The following TACC1 variants were observed in gnomAD, a reference collection of about 807,000 sequenced individuals.
The protein encoded by TACC1 is transforming acidic coiled-coil-containing protein 1.
Under a neutral mutation model 84.4 loss-of-function variants are expected in TACC1, and 48 were observed. The ratio of observed to expected loss-of-function variants is 0.57; its 90% CI spans 0.45 to 0.72. The LOEUF (loss-of-function observed/expected upper bound fraction) is 0.72, where lower values mean the gene tolerates loss of function less well. Among genes scored for constraint, TACC1 ranks in the 30% least tolerant of loss-of-function variants. The pLI is 0.00. For missense variants in TACC1, 920 were observed against 973.0 expected (o/e 0.95, Z 0.72); for synonymous variants, 372 against 376.3 (o/e 0.99, Z 0.13).
At chr8:38,762,463 G>A (rs1412007416) in intron 3 of TACC1, among the ~76,000 whole-genome samples, 14 of 152,162 alleles carry the variant, frequency 9.2e-5, no homozygotes, top group Non-Finnish European at 1.5e-5. Context: ...ATTTCTTTAT[G>A]GCTGAACAGT....
At chr8:38,769,143 A>T (rs1812903943) in intron 3 of TACC1, among the ~76,000 whole-genome samples, 1 of 107,204 alleles carries the variant, frequency 9.3e-6, no homozygotes, top group East Asian at 3.3e-4. Context: ...TATATGTGTG[A>T]CTAGGTGTGT....
In TACC1 at chr8:38,812,742, T is replaced by G. The variant is rs1327853521; in HGVS notation, c.278-6780T>G. Among the ~76,000 whole-genome samples the G allele has an allele frequency of 2.0e-5, 3 of 152,230 alleles. No individual in the cohort carries two copies. In the East Asian group the frequency reaches 5.8e-4, roughly 29 times the overall value. ...TGCAAGGCTCTGTGAGCATGGTGCC[T>G]TTCTATTTCCCATCCTCATTTTTCC... is the stretch of plus-strand genomic sequence containing the variant. On this transcript the variant is annotated intron_variant, in intron 2 of 12. Transcript: ENST00000317827.
At chr8:38,788,869 A>G in intron 2 of TACC1, 50 bp downstream of exon 2, 2 of 1,426,714 alleles carry the variant, frequency 1.4e-6, no homozygotes, top group Non-Finnish European at 1.9e-6. Flanking sequence ...AAAAGTTTTG[A>G]AAAATATCAA....
intron 3 of TACC1, among the ~76,000 whole-genome samples, chr8:38,774,594 A>C (rs765097009): frequency 3.3e-5 from 5 of 152,170 alleles, no homozygotes; most frequent in African/African-American, 4.8e-5. Flanking sequence ...CTGGGCTCAA[A>C]TGATCCTCCC....
At chr8:38,756,035 T>C (rs1362183342) in intron 3 of TACC1, among the ~76,000 whole-genome samples, 1 of 151,824 alleles carries the variant, frequency 6.6e-6, no homozygotes. Flanking sequence ...GGCTGGTCTC[T>C]AACTCCTGAC....
intron 2 of TACC1, among the ~76,000 whole-genome samples, chr8:38,789,551 T>C (rs1160998095): frequency 1.3e-5 from 2 of 152,190 alleles, no homozygotes; most frequent in African/African-American, 4.8e-5. Flanking sequence ...AAAATATCTA[T>C]GTCAGCTTGT....
rs549460842 is a variant in TACC1 at position 38,818,272 on chromosome 8, T to A, written c.278-1250T>A. On this transcript the variant is annotated intron_variant, in intron 2 of 12. Transcript: ENST00000317827. ...AAAAACTATAGCTATGATATTCCAG[T>A]GGTACTTGACTCTGATCCTGGATTA... is the stretch of plus-strand genomic sequence containing the variant. 3.9e-5 allele frequency among the ~76,000 whole-genome samples: 6 copies of A among 152,244 alleles called. No individual in the cohort carries two copies. The South Asian group carries it at 1.2e-3, about 32-fold the overall frequency.
At chr8:38,804,708 T>C (rs1423978892) in intron 2 of TACC1, among the ~76,000 whole-genome samples, 1 of 152,186 alleles carries the variant, frequency 6.6e-6, no homozygotes, top group Non-Finnish European at 1.5e-5. Context: ...GCTTAAGCGA[T>C]CCTCCTGCCT....
At chr8:38,840,190 T>A in intron 8 of TACC1, 34 bp from the exon 9 acceptor site, 1 of 1,549,528 alleles carries the variant, frequency 6.5e-7, no homozygotes, top group East Asian at 2.3e-5. Flanking sequence ...CTGAAAATCC[T>A]CCTCTGGTAA....
chr8:38,769,946 GGTGT>G (rs778067061), intron 3 of TACC1, among the ~76,000 whole-genome samples: 2 of 150,318 alleles, frequency 1.3e-5, no homozygotes, highest in Admixed American at 6.6e-5. Flanking sequence ...CTGTGTGTAT[GGTGT>G]GTGTGTGTGA....
At position 38,852,898 on chromosome 8, in the gene TACC1, A is replaced by C. The variant is rs1410729716; in HGVS notation, c.*4875A>C. On this transcript the variant is annotated 3_prime_UTR_variant, in exon 13 of 13. Transcript: ENST00000317827. ...GAATATTCATCTACATAAATTTTAT[A>C]TGCACAGTAATTTCCCTTTTTATAT... is the stretch of plus-strand genomic sequence containing the variant. 6.5e-6 allele frequency: 1 copy of C among 152,672 alleles called. No individual in the cohort carries two copies. Among genetic ancestry groups the C allele is most frequent in the Non-Finnish European group, 1.5e-5 (1 of 68,046 alleles). The allele number at this position is 152,672 out of a possible 1,614,324, so 9.5% of individuals were successfully genotyped here.
chr8:38,823,915 A>C (rs778310757), intron 3 of TACC1: 10 of 1,084,214 alleles, frequency 9.2e-6, no homozygotes, highest in Non-Finnish European at 2.6e-6. Flanking sequence ...CTAGAGTTGA[A>C]TATTCCAGTC....
At chr8:38,834,008 T>C (rs1829758123) in intron 6 of TACC1, among the ~76,000 whole-genome samples, 1 of 152,228 alleles carries the variant, frequency 6.6e-6, no homozygotes, top group Admixed American at 6.5e-5. Context: ...AGTGAGATGA[T>C]TCAAATGTCC....
intron 3 of TACC1, among the ~76,000 whole-genome samples, chr8:38,772,595 G>A (rs16887745): frequency 0.028 from 4,337 of 152,182 alleles, 187 homozygotes; most frequent in African/African-American, 0.092. Flanking sequence ...GGGTCAGGAC[G>A]GGTCTTGGCT....
At chr8:38,730,180 C>A (rs1047671723) in intron 1 of TACC1, among the ~76,000 whole-genome samples, 3 of 152,244 alleles carry the variant, frequency 2.0e-5, no homozygotes, top group Non-Finnish European at 4.4e-5. Flanking sequence ...CCTGTCTAGG[C>A]TCTTACTCCG....
At chr8:38,786,963 C>G (rs2151975226), upstream of TACC1, among the ~76,000 whole-genome samples, 1 of 152,100 alleles carries the variant, frequency 6.6e-6, no homozygotes, top group Non-Finnish European at 1.5e-5. Flanking sequence ...CAGCGTGCCC[C>G]GGCTCAGAAA....
At chr8:38,730,859 C>A (rs1307427125) in intron 1 of TACC1, among the ~76,000 whole-genome samples, 1 of 152,170 alleles carries the variant, frequency 6.6e-6, no homozygotes, top group East Asian at 1.9e-4. Context: ...AGTTAGAATT[C>A]TTGTCCAAAC....
Position 38,820,134 on chromosome 8 carries a change from C to T in TACC1, c.890C>T (p.Thr297Ile). 1 of 1,614,130 alleles carries T rather than the reference C, an allele frequency of 6.2e-7. No homozygotes were observed. The highest frequency in any genetic ancestry group is 8.5e-7 in the Non-Finnish European group (1 of 1,180,022). ...CCTGACCTTAAAGAAACTCCCGGCA[C>T]TCTCAGTAGTGACACCAACGACTCA... The part of the protein sequence containing the change: ...SPPDLKETPG[T>I]LSSDTNDSGV... The change falls in exon 3 of 13, where the codon ACT (threonine) becomes ATT (isoleucine). Residue 297 changes from threonine to isoleucine, a missense_variant. Physicochemically the swap from Thr to Ile is moderately conservative, Grantham distance 89. This residue lies in a region of TACC1 where 762 missense variants were observed against 747.3 expected (regional missense o/e 1.02). Transcript: ENST00000317827.
chr8:38,752,113 T>C (rs1274362631), intron 3 of TACC1, among the ~76,000 whole-genome samples: 1 of 152,192 alleles, frequency 6.6e-6, no homozygotes, highest in Non-Finnish European at 1.5e-5. Context: ...TTCGCAATCT[T>C]ATAGGCAATC....
Sources: gnomAD v4.1 joint callset for allele counts (sites outside exome capture counted in the v4.1 genomes callset) on GRCh38, gnomAD v4.1.1 for gene constraint, gnomAD v4.1.1 regional missense constraint, MANE v1.5 for transcripts, NCBI Gene and HGNC (gene_info 2026-07-23, HGNC 2026-07-21) for gene names.